Variants in CDH13 observed in about 807,000 individuals in gnomAD.
CDH13 encodes cadherin 13.
In CDH13, 24 loss-of-function variants were observed where a neutral mutation model predicts 63.8. The ratio of observed to expected loss-of-function variants is 0.38; its 90% CI spans 0.27 to 0.53. The LOEUF is 0.53. CDH13 is among the 20% of genes least tolerant of loss of function. CDH13 has a pLI of 0.85. For synonymous variants in CDH13, 503 were observed against 355.3 expected (o/e 1.42, Z -4.67); for missense variants, 1,049 against 903.1 (o/e 1.16, Z -2.07).
In CDH13 at chr16:83,678,316, C is replaced by T; in HGVS notation, c.1393C>T (p.His465Tyr). The T allele has an allele frequency of 6.2e-7, 1 of 1,614,016 alleles. No individual in the cohort carries two copies. Among genetic ancestry groups the T allele is most frequent in the Non-Finnish European group, 8.5e-7 (1 of 1,179,900 alleles). The change falls in exon 10 of 14, where the codon CAC (histidine) becomes TAC (tyrosine). Residue 465 changes from histidine to tyrosine, a missense_variant. Physicochemically the swap from His to Tyr is moderately conservative, Grantham distance 83. Transcript: ENST00000567109. The stretch of plus-strand genomic sequence containing the variant: ...CGGCCCCAGCTCCACAGCCACCGTC[C>T]ACATCACTGTCCTGGATGTCAACGA... The part of the protein sequence containing the change: ...SYGPSSTATV[H>Y]ITVLDVNEGP...
At chr16:83,572,698 A>G (rs1904754592) in intron 7 of CDH13, among the ~76,000 whole-genome samples, 1 of 152,236 alleles carries the variant, frequency 6.6e-6, no homozygotes, top group Non-Finnish European at 1.5e-5. Flanking sequence ...GCTATTGAAC[A>G]TGTATAATAG....
chr16:83,644,871 C>T (rs1026182673), intron 8 of CDH13, among the ~76,000 whole-genome samples: 8 of 152,314 alleles, frequency 5.3e-5, no homozygotes, highest in African/African-American at 1.9e-4. Context: ...CACAGCAAGG[C>T]AGGAGCAGAT....
intron 7 of CDH13, among the ~76,000 whole-genome samples, chr16:83,588,880 C>T (rs990274322): frequency 3.3e-5 from 5 of 152,198 alleles, no homozygotes; most frequent in Admixed American, 6.5e-5. Context: ...CCACGCACCA[C>T]GTGGAGCCAG....
At chr16:82,788,756 A>G (rs551529686) in intron 1 of CDH13, among the ~76,000 whole-genome samples, 1 of 152,354 alleles carries the variant, frequency 6.6e-6, no homozygotes, top group Non-Finnish European at 1.5e-5. Context: ...AGAGTGCCAC[A>G]TGACAAAGAG....
chr16:82,825,835 C>A (rs1357925502), intron 1 of CDH13: 1 of 151,864 alleles, frequency 6.6e-6, no homozygotes, highest in East Asian at 1.9e-4. Context: ...GCGCAAGCCA[C>A]TGTGCCCAGC....
chr16:83,334,361 T>TCTCTCTCACACACACA (rs1272779883), intron 5 of CDH13, among the ~76,000 whole-genome samples: 12 of 85,594 alleles, frequency 1.4e-4, no homozygotes, highest in African/African-American at 6.0e-4. Context: ...TCTCTCTCTC[T>TCTCTCTCACACACACA]CACACACACA....
intron 8 of CDH13, among the ~76,000 whole-genome samples, chr16:83,619,917 G>A (rs62040224): frequency 0.088 from 13,441 of 152,172 alleles, 781 homozygotes; most frequent in East Asian, 0.22. Flanking sequence ...GGAAGACCCC[G>A]GCCTGGGAAG....
chr16:82,850,730 C>A (rs1208547307), intron 1 of CDH13, among the ~76,000 whole-genome samples: 1 of 152,166 alleles, frequency 6.6e-6, no homozygotes, highest in Non-Finnish European at 1.5e-5. Context: ...CCACAGCCTC[C>A]CCAACCTTCA....
chr16:82,857,362 G>A (rs946453675), intron 1 of CDH13, among the ~76,000 whole-genome samples: 4 of 152,138 alleles, frequency 2.6e-5, no homozygotes, highest in Non-Finnish European at 5.9e-5. Flanking sequence ...TAAGTGTTAC[G>A]GAGCCTCTTC....
intron 9 of CDH13, among the ~76,000 whole-genome samples, chr16:83,676,493 G>T (rs775012229): frequency 2.0e-4 from 31 of 152,308 alleles, no homozygotes; most frequent in Admixed American, 7.8e-4. Context: ...CCTGGTTTGA[G>T]GTTTACTTTA....
intron 4 of CDH13, among the ~76,000 whole-genome samples, chr16:83,206,531 C>A (rs1223921390): frequency 6.6e-6 from 1 of 152,218 alleles, no homozygotes; most frequent in African/African-American, 2.4e-5. Flanking sequence ...CAGTTTTGTC[C>A]TTTTAGGAAA....
chr16:82,996,768 G>T (rs1912246634), intron 2 of CDH13, among the ~76,000 whole-genome samples: 1 of 152,050 alleles, frequency 6.6e-6, no homozygotes, highest in Non-Finnish European at 1.5e-5. Context: ...TATAGTGATG[G>T]TGATGACGAT....
In CDH13 at chr16:82,780,746, C is replaced by G. The variant is rs529304024; in HGVS notation, c.46-77616C>G. On this transcript the variant is annotated intron_variant, in intron 1 of 13. Coordinates refer to ENST00000567109, the MANE Select transcript of CDH13 (RefSeq NM_001257.5). ...TAAAACATAACAGAGTGACTTTACC[C>G]ATGCTGACAGCTTTTTTCTTTCACG... 7.9e-5 allele frequency among the ~76,000 whole-genome samples: 12 copies of G among 152,308 alleles called. No individual in the cohort carries two copies. The South Asian group carries it at 2.5e-3, about 32-fold the overall frequency.
At chr16:83,483,629 C>G (rs1475070645) in intron 6 of CDH13, among the ~76,000 whole-genome samples, 1 of 152,076 alleles carries the variant, frequency 6.6e-6, no homozygotes, top group African/African-American at 2.4e-5. Flanking sequence ...GTGCAAGGCC[C>G]TGGGTCAAGT....
At chr16:83,727,791 G>T (rs1910584544) in intron 10 of CDH13, among the ~76,000 whole-genome samples, 1 of 152,100 alleles carries the variant, frequency 6.6e-6, no homozygotes, top group South Asian at 2.1e-4. Flanking sequence ...TCCCTTGACG[G>T]AACTGGCTGA....
At position 83,152,564 on chromosome 16, in the gene CDH13, C is replaced by T. The variant is rs534903961; in HGVS notation, c.483+27063C>T. ...TATTTATTTGACTTCTTCATAATGG[C>T]CATGTTTTATTTTTAGGGCTGCCAT... On this transcript the variant is annotated intron_variant, in intron 4 of 13. Coordinates refer to ENST00000567109, the MANE Select transcript of CDH13 (RefSeq NM_001257.5). Among the ~76,000 whole-genome samples the T allele has an allele frequency of 2.6e-5, 4 of 152,118 alleles. No individual in the cohort carries two copies. In the East Asian group the frequency reaches 7.7e-4, roughly 29 times the overall value.
chr16:83,486,551 A>G lies in CDH13; in HGVS notation c.856A>G (p.Ile286Val), dbSNP rs531357698. The change falls in exon 7 of 14, where the codon ATC (isoleucine) becomes GTC (valine). Residue 286 changes from isoleucine (I) to valine (V), a missense_variant. By Grantham distance (29) the Ile-to-Val change is conservative. Transcript: ENST00000567109. ...CGATAATGCCCTCCTGCGGTATAAT[A>G]TCCGTCAGCAGACGCCTGACAAGCC... is the stretch of plus-strand genomic sequence containing the variant. ...ATDNALLRYN[I>V]RQQTPDKPSP... The G allele has an allele frequency of 1.9e-6, 3 of 1,613,944 alleles. No individual in the cohort carries two copies. Among genetic ancestry groups the G allele is most frequent in the East Asian group, 2.2e-5 (1 of 44,870 alleles).
At chr16:83,563,347 A>C (rs1030533433) in intron 7 of CDH13, among the ~76,000 whole-genome samples, 1 of 152,208 alleles carries the variant, frequency 6.6e-6, no homozygotes, top group African/African-American at 2.4e-5. Context: ...GAGATGGACA[A>C]CTGCATTTAT....
At chr16:82,973,895 T>A (rs1005130272) in intron 2 of CDH13, among the ~76,000 whole-genome samples, 1 of 152,146 alleles carries the variant, frequency 6.6e-6, no homozygotes, top group African/African-American at 2.4e-5. Flanking sequence ...ACACACCTTA[T>A]TTTTTGCTTT....
Sources: allele counts gnomAD v4.1 joint callset (sites outside exome capture counted in the v4.1 genomes callset), GRCh38; gene constraint gnomAD v4.1.1; transcripts MANE v1.5; gene names NCBI Gene and HGNC (gene_info 2026-07-23, HGNC 2026-07-21).